The following YAF2 variants were observed in gnomAD, a reference collection of about 807,000 sequenced individuals.
YAF2 encodes the protein YY1-associated factor 2.
In YAF2, 7 loss-of-function variants were observed where a neutral mutation model predicts 20.1. The ratio of observed to expected loss-of-function variants is 0.35; its 90% CI spans 0.20 to 0.65. The LOEUF is 0.65. Ranked by LOEUF, YAF2 falls within the 30% of genes least tolerant of loss-of-function variation. YAF2 has a pLI of 0.69. For missense variants in YAF2, 151 were observed against 219.2 expected (o/e 0.69, Z 1.96); for synonymous variants, 74 against 76.0 (o/e 0.97, Z 0.14).
intron 2 of YAF2, among the ~76,000 whole-genome samples, chr12:42,224,395 T>C (rs1474744736): frequency 6.6e-6 from 1 of 152,190 alleles, no homozygotes; most frequent in African/African-American, 2.4e-5. Flanking sequence ...TTTTTTATTA[T>C]ACTTTAAATT....
chr12:42,233,567 A>C, intron 2 of YAF2: 1 of 820,346 alleles, frequency 1.2e-6, no homozygotes. Flanking sequence ...GCTGGAGTGC[A>C]GTGGTATGAT....
intron 2 of YAF2, chr12:42,199,040 TG>T: frequency 1.7e-6 from 1 of 589,120 alleles, no homozygotes; most frequent in African/African-American, 2.0e-5. Flanking sequence ...TTAACATTTT[TG>T]TTGAATTTAA....
intron 2 of YAF2, among the ~76,000 whole-genome samples, chr12:42,194,009 C>T (rs2066684528): frequency 6.6e-6 from 1 of 151,918 alleles, no homozygotes; most frequent in African/African-American, 2.4e-5. Context: ...AGAAAGCACA[C>T]AGAATAAGGA....
At chr12:42,205,141 T>C (rs887584330) in intron 2 of YAF2, among the ~76,000 whole-genome samples, 1 of 151,622 alleles carries the variant, frequency 6.6e-6, no homozygotes, top group Admixed American at 6.6e-5. Context: ...TTTTCTTGTA[T>C]AGACAAATTT....
At chr12:42,232,971 G>C (rs899711036) in intron 2 of YAF2, 1 of 985,366 alleles carries the variant, frequency 1.0e-6, no homozygotes, top group Non-Finnish European at 1.2e-6. Flanking sequence ...GCTTGGTACA[G>C]TTAAAGCGGT....
intron 2 of YAF2, chr12:42,210,324 A>G: frequency 6.9e-7 from 1 of 1,443,682 alleles, no homozygotes; most frequent in Non-Finnish European, 9.2e-7. Context: ...GGGAAAAAAA[A>G]TCTCAGGTTT....
chr12:42,221,004 CAT>C (rs1266390576), intron 2 of YAF2, among the ~76,000 whole-genome samples: 1 of 151,938 alleles, frequency 6.6e-6, no homozygotes, highest in African/African-American at 2.4e-5. Flanking sequence ...TTATAAAAGA[CAT>C]AAAAATGAAG....
At chr12:42,183,103 G>T (rs1047831861) in intron 2 of YAF2, among the ~76,000 whole-genome samples, 3 of 152,096 alleles carry the variant, frequency 2.0e-5, no homozygotes, top group Non-Finnish European at 4.4e-5. Context: ...TGCTGTCATT[G>T]TTTTGAGGAG....
In YAF2 at chr12:42,179,071, A is replaced by G. The variant is rs548055815; in HGVS notation, c.153-17306T>C. 1.0e-3 allele frequency among the ~76,000 whole-genome samples: 157 copies of G among 152,268 alleles called. 2 individuals carry two copies. The Middle Eastern group carries it at 0.02, about 20-fold the overall frequency. ...CTCTCTCTTTCAAAAAGAAAGAAAAAATACACTTGTCTGGGCTCCACCTTT... is the reference window on the plus strand; with the variant it reads ...CTCTCTCTTTCAAAAAGAAAGAAAAGATACACTTGTCTGGGCTCCACCTTT... On this transcript the variant is annotated intron_variant, in intron 2 of 3. Coordinates refer to ENST00000534854, the MANE Select transcript of YAF2 (RefSeq NM_005748.6).
intron 2 of YAF2, among the ~76,000 whole-genome samples, chr12:42,178,540 T>C (rs1042161086): frequency 6.6e-6 from 1 of 152,178 alleles, no homozygotes; most frequent in African/African-American, 2.4e-5. Context: ...CTACAGCCTA[T>C]GTAGACTATG....
intron 2 of YAF2, among the ~76,000 whole-genome samples, chr12:42,192,274 G>C (rs2066633532): frequency 6.6e-6 from 1 of 152,150 alleles, no homozygotes; most frequent in African/African-American, 2.4e-5. Flanking sequence ...TTGGGAAGCT[G>C]AGGCAGGAGG....
intron 2 of YAF2, among the ~76,000 whole-genome samples, chr12:42,216,688 C>T (rs1354228580): frequency 6.6e-6 from 1 of 152,102 alleles, no homozygotes; most frequent in African/African-American, 2.4e-5. Flanking sequence ...TATGTATTTA[C>T]AGCCCTTTTC....
At chr12:42,232,997 TG>T in intron 2 of YAF2, 2 of 983,858 alleles carry the variant, frequency 2.0e-6, no homozygotes, top group Non-Finnish European at 2.4e-6. Flanking sequence ...TTTGCAAAAC[TG>T]TAAAATTTTA....
chr12:42,237,915 G>T, intron 1 of YAF2, 191 bp from the exon 2 acceptor site: 1 of 469,274 alleles, frequency 2.1e-6, no homozygotes, highest in Non-Finnish European at 2.9e-6. Context: ...GAGCGCGGCC[G>T]CAGTCGCCGC....
chr12:42,161,898 G>T (rs2065807363), intron 2 of YAF2, 133 bp from the exon 3 acceptor site: 1 of 784,486 alleles, frequency 1.3e-6, no homozygotes, highest in Admixed American at 3.5e-5. Context: ...TCATATGTAA[G>T]GTAATTTAAA....
intron 2 of YAF2, among the ~76,000 whole-genome samples, chr12:42,193,455 C>T (rs992023771): frequency 6.6e-6 from 1 of 152,020 alleles, no homozygotes; most frequent in African/African-American, 2.4e-5. Flanking sequence ...GTATTTATAA[C>T]TTTAAGCAAC....
At chr12:42,207,247 T>C (rs1379492401) in intron 2 of YAF2, among the ~76,000 whole-genome samples, 2 of 152,238 alleles carry the variant, frequency 1.3e-5, no homozygotes, top group Admixed American at 6.5e-5. Flanking sequence ...TGTCTAATGA[T>C]TGGACAAACT....
intron 2 of YAF2, chr12:42,235,851 A>G: frequency 6.5e-7 from 1 of 1,535,720 alleles, no homozygotes; most frequent in Non-Finnish European, 8.7e-7. Context: ...TCCCCTGTGT[A>G]CTATATTCCT....
chr12:42,161,551 G>A (rs1041428919), intron 3 of YAF2, 62 bp downstream of exon 3: 29 of 1,488,076 alleles, frequency 1.9e-5, no homozygotes, highest in Non-Finnish European at 2.5e-5. Context: ...AGTATGTCAA[G>A]GTTAAAAAAA....
Sources: allele counts gnomAD v4.1 joint callset (sites outside exome capture counted in the v4.1 genomes callset), GRCh38; gene constraint gnomAD v4.1.1; transcripts MANE v1.5; gene names NCBI Gene and HGNC (gene_info 2026-07-23, HGNC 2026-07-21).